The following ZNF736 variants were observed in gnomAD, a reference collection of about 807,000 sequenced individuals.
ZNF736 encodes KRAB-containing zinc-finger repressor protein.
Under a neutral mutation model 11.7 loss-of-function variants are expected in ZNF736, and 6 were observed. That is an observed-to-expected ratio of 0.51 (90% CI 0.28 to 1.01). ZNF736 has a LOEUF of 1.01. Among genes scored for constraint, ZNF736 ranks in the 50% least tolerant of loss-of-function variants. The probability of loss-of-function intolerance (pLI) is 0.09; values close to 1 mark genes in which losing one functional copy is unlikely to be tolerated. For missense variants in ZNF736, 444 were observed against 496.0 expected (o/e 0.90, Z 1.00); for synonymous variants, 139 against 164.7 (o/e 0.84, Z 1.19).
At chr7:64,322,988 A>G (rs1562667837) in intron 1 of ZNF736, among the ~76,000 whole-genome samples, 1 of 152,226 alleles carries the variant, frequency 6.6e-6, no homozygotes, top group South Asian at 2.1e-4. Context: ...GGCCACCTAA[A>G]CTTACAGTCT....
chr7:64,323,408 TA>T (rs1302941060), intron 1 of ZNF736, among the ~76,000 whole-genome samples: 2 of 146,964 alleles, frequency 1.4e-5, no homozygotes, highest in African/African-American at 5.1e-5. Context: ...TTTTTTCAAT[TA>T]AACTTAAGCA....
At chr7:64,336,237 G>C (rs540455781) in intron 1 of ZNF736, 22 bp from the exon 2 acceptor site, 1 of 1,601,990 alleles carries the variant, frequency 6.2e-7, no homozygotes, top group South Asian at 1.1e-5. Context: ...TGGTCACTTG[G>C]TAAATATGTT....
In ZNF736 at chr7:64,348,522, A is replaced by AG. The variant is rs769329073; in HGVS notation, c.660dup (p.Arg221GlufsTer12). 7.6e-6 allele frequency: 12 copies of AG among 1,578,342 alleles called. No individual in the cohort carries two copies. The South Asian group carries it at 1.1e-4, about 15-fold the overall frequency. Reference sequence around the variant, plus strand: ...AAGTTTTCAAACCTTACTGAACATAAGAGAGTTCATACTGGAGAGAAACCT... The same window carrying AG: ...AAGTTTTCAAACCTTACTGAACATAAGGAGAGTTCATACTGGAGAGAAACCT... On this transcript the variant is annotated frameshift_variant, in exon 4 of 4. Coordinates refer to ENST00000423484, the MANE Select transcript of ZNF736 (RefSeq NM_001170905.3). LOFTEE classifies it low-confidence loss of function (END_TRUNC).
chr7:64,346,087 T>A (rs1333868639), intron 3 of ZNF736, among the ~76,000 whole-genome samples: 2 of 152,210 alleles, frequency 1.3e-5, no homozygotes, highest in Non-Finnish European at 2.9e-5. Context: ...TATATTGCTG[T>A]CTATTTTTGC....
At chr7:64,343,959 T>TTA (rs1027548841) in intron 3 of ZNF736, among the ~76,000 whole-genome samples, 8 of 150,158 alleles carry the variant, frequency 5.3e-5, no homozygotes, top group African/African-American at 1.0e-4. Flanking sequence ...TTTGCTTTTT[T>TTA]TTTTTTTATT....
At chr7:64,344,562 G>GA (rs1789383356) in intron 3 of ZNF736, among the ~76,000 whole-genome samples, 1 of 152,010 alleles carries the variant, frequency 6.6e-6, no homozygotes, top group Non-Finnish European at 1.5e-5. Context: ...TGTGTGTGTG[G>GA]CTGGCTTACT....
intron 1 of ZNF736, among the ~76,000 whole-genome samples, chr7:64,316,640 ACTTCTCC>A (rs1165593778): frequency 1.3e-5 from 2 of 152,082 alleles, no homozygotes; most frequent in African/African-American, 4.8e-5. Flanking sequence ...AGTCAGCACT[ACTTCTCC>A]CTGTGTTTGT....
chr7:64,336,128 T>C, intron 1 of ZNF736, 131 bp from the exon 2 acceptor site: 1 of 1,042,672 alleles, frequency 9.6e-7, no homozygotes, highest in Non-Finnish European at 1.4e-6. Flanking sequence ...ATTTCTGTGC[T>C]AGAAAGTATC....
rs1300265177 is a variant in ZNF736 at position 64,355,813 on chromosome 7, G to C, written c.*6666G>C. 1 of 171,470 alleles carries C rather than the reference G, an allele frequency of 5.8e-6. No homozygotes were observed. Among genetic ancestry groups the C allele is most frequent in the African/African-American group, 2.4e-5 (1 of 42,012 alleles). 10.6% of individuals were successfully genotyped at this position (171,470 alleles called of 1,614,324 possible). A position where few individuals can be genotyped will look rare whatever the true frequency, so the allele number is the denominator to read the frequency against. On this transcript the variant is annotated 3_prime_UTR_variant, in exon 4 of 4. Transcript: ENST00000423484. ...TTTTATTTCTGCCCTGCTTTCCTGG[G>C]CTCTCAGAAGTGTAGTTCTGACAGA...
chr7:64,346,683 C>G (rs1485712275), intron 3 of ZNF736, among the ~76,000 whole-genome samples: 1 of 151,942 alleles, frequency 6.6e-6, no homozygotes, highest in East Asian at 1.9e-4. Context: ...TTTGTGTTAT[C>G]TTAGTTGAAG....
intron 1 of ZNF736, among the ~76,000 whole-genome samples, chr7:64,333,456 G>A (rs1202016692): frequency 4.6e-5 from 7 of 152,186 alleles, no homozygotes; most frequent in African/African-American, 1.2e-4. Context: ...TTTGAGATGG[G>A]ATCAGGTCTT....
chr7:64,340,038 G>A (rs1472607882), intron 3 of ZNF736, among the ~76,000 whole-genome samples: 1 of 152,116 alleles, frequency 6.6e-6, no homozygotes, highest in Non-Finnish European at 1.5e-5. Flanking sequence ...CTGGGTAGTT[G>A]TTAATCCTGT....
chr7:64,346,576 A>G (rs1231387678), intron 3 of ZNF736, among the ~76,000 whole-genome samples: 1 of 152,070 alleles, frequency 6.6e-6, no homozygotes, highest in Non-Finnish European at 1.5e-5. Flanking sequence ...AAGCATGCAT[A>G]TAAATAACAC....
At chr7:64,337,756 G>GTTTTTTTTTTTTT (rs569147961) in intron 3 of ZNF736, among the ~76,000 whole-genome samples, 3 of 112,506 alleles carry the variant, frequency 2.7e-5, no homozygotes, top group Admixed American at 8.2e-5. Context: ...GTTTTTTTTG[G>GTTTTTTTTTTTTT]TTTTTTTTTT....
intron 1 of ZNF736, among the ~76,000 whole-genome samples, chr7:64,318,690 AT>A (rs1262670245): frequency 6.6e-6 from 1 of 152,156 alleles, no homozygotes; most frequent in Non-Finnish European, 1.5e-5. Flanking sequence ...TATTGGGCTT[AT>A]TTTTTTAATT....
At chr7:64,342,636 A>G (rs1425363692) in intron 3 of ZNF736, among the ~76,000 whole-genome samples, 1 of 152,006 alleles carries the variant, frequency 6.6e-6, no homozygotes, top group Admixed American at 6.6e-5. Context: ...GCTGTGTCTT[A>G]TATATATGTT....
At chr7:64,346,540 T>G (rs10281760) in intron 3 of ZNF736, among the ~76,000 whole-genome samples, 13,610 of 152,040 alleles carry the variant, frequency 0.09, 991 homozygotes, top group African/African-American at 0.2. Context: ...AGATTTATGT[T>G]CTTAAATTTA....
chr7:64,322,000 T>C lies in ZNF736; in HGVS notation c.3+7847T>C, dbSNP rs144017239. The stretch of plus-strand genomic sequence containing the variant: ...TTCTCGTTAGTTTGCAGAAATAACA[T>C]TGATTAGTGATAAGCTGTATGTTGT... On this transcript the variant is annotated intron_variant, in intron 1 of 3. Transcript: ENST00000423484. Among the ~76,000 whole-genome samples the C allele has an allele frequency of 3.4e-3, 505 of 147,390 alleles. 3 individuals are homozygous for C. Among genetic ancestry groups the C allele is most frequent in the African/African-American group, 0.011 (435 of 39,572 alleles).
At chr7:64,321,319 T>C (rs1788998477) in intron 1 of ZNF736, among the ~76,000 whole-genome samples, 1 of 152,228 alleles carries the variant, frequency 6.6e-6, no homozygotes, top group Non-Finnish European at 1.5e-5. Flanking sequence ...AATTGCCTTT[T>C]ATCTTTGGGA....
Sources: gnomAD v4.1 joint callset for allele counts (sites outside exome capture counted in the v4.1 genomes callset) on GRCh38, gnomAD v4.1.1 for gene constraint, MANE v1.5 for transcripts, NCBI Gene and HGNC (gene_info 2026-07-23, HGNC 2026-07-21) for gene names.